SLC44A1: variants seen among roughly 807,000 people sequenced by gnomAD.
SLC44A1 encodes the protein solute carrier family 44 member 1.
SLC44A1 carries 26 observed loss-of-function variants against 79.3 expected under a neutral mutation model. That is an observed-to-expected ratio of 0.33 (90% CI 0.24 to 0.46). SLC44A1 has a LOEUF of 0.46. Ranked by LOEUF, SLC44A1 falls within the 20% of genes least tolerant of loss-of-function variation. The probability of loss-of-function intolerance (pLI) is 1.00; values close to 1 mark genes in which losing one functional copy is unlikely to be tolerated. For synonymous variants in SLC44A1, 263 were observed against 286.2 expected (o/e 0.92, Z 0.82); for missense variants, 688 against 798.1 (o/e 0.86, Z 1.66).
At chr9:105,356,409 T>C (rs755609847) in intron 6 of SLC44A1, 28 bp downstream of exon 6, 30 of 1,442,076 alleles carry the variant, frequency 2.1e-5, no homozygotes, top group Admixed American at 1.8e-4. Flanking sequence ...TATTAGCTAT[T>C]GCATAGTATT....
chr9:105,432,200 G>T (rs538470482), intron 15 of SLC44A1, among the ~76,000 whole-genome samples: 19 of 152,334 alleles, frequency 1.2e-4, no homozygotes, highest in African/African-American at 4.3e-4. Flanking sequence ...GGGATTACAG[G>T]GGTGAGCCAC....
Position 105,391,279 on chromosome 9 carries a change from C to T in SLC44A1, c.*2223C>T, listed in dbSNP as rs1828757279. The T allele has an allele frequency of 5.1e-6, 5 of 985,784 alleles. No individual in the cohort carries two copies. The highest frequency in any genetic ancestry group is 6.0e-6 in the Non-Finnish European group (5 of 829,888). The allele number at this position is 985,784 out of a possible 1,614,324, so 61.1% of individuals were successfully genotyped here. A position where few individuals can be genotyped will look rare whatever the true frequency, so the allele number is the denominator to read the frequency against. Reference sequence around the variant, plus strand: ...AGCTATTTGGAAGCTACCAGGAATGCTTTCTAATTATCATTTGCAACTAGA... The same window carrying T: ...AGCTATTTGGAAGCTACCAGGAATGTTTTCTAATTATCATTTGCAACTAGA... On this transcript the variant is annotated 3_prime_UTR_variant, in exon 16 of 16. Transcript: ENST00000374720.
At position 105,289,411 on chromosome 9, in the gene SLC44A1, G is replaced by A. The variant is rs950657333; in HGVS notation, c.37-9809G>A. ...TTCTATAAACAATGTTAATCCCTGG[G>A]TTAAACAAAAAATAGACACATTACA... On this transcript the variant is annotated intron_variant, in intron 1 of 15. Coordinates refer to ENST00000374720, the MANE Select transcript of SLC44A1 (RefSeq NM_080546.5). 3.9e-5 allele frequency among the ~76,000 whole-genome samples: 6 copies of A among 152,110 alleles called. No homozygotes were observed. In the East Asian group the frequency reaches 1.2e-3, roughly 29 times the overall value.
At chr9:105,347,102 G>C (rs10991635) in intron 4 of SLC44A1, among the ~76,000 whole-genome samples, 18,126 of 151,876 alleles carry the variant, frequency 0.12, 2,023 homozygotes, top group African/African-American at 0.3. Flanking sequence ...ATTTTGTTGT[G>C]CCATTAAATC....
At chr9:105,309,684 A>G (rs1309886407) in intron 2 of SLC44A1, 40 bp from the exon 3 acceptor site, 1 of 1,600,006 alleles carries the variant, frequency 6.2e-7, no homozygotes, top group African/African-American at 1.3e-5. Context: ...TTGGCTATTG[A>G]AATGGTTTAT....
In SLC44A1 at chr9:105,356,295, T is replaced by C; in HGVS notation, c.584T>C (p.Val195Ala). Residue 195 changes from valine (V) to alanine (A), a missense_variant, in exon 6 of 16, where the codon GTC (valine) becomes GCC (alanine). Transcript: ENST00000374720. ...TTTGCAGAGGCCCTGATCACCTTTG[T>C]CAGTGACAATAGTGTCTTACACAGG... ...AKFAEALITFVSDNSVLHRLI... is the reference protein window; with the variant it reads ...AKFAEALITFASDNSVLHRLI... 6.2e-7 allele frequency: 1 copy of C among 1,612,954 alleles called. No individual in the cohort carries two copies. The highest frequency in any genetic ancestry group is 8.5e-7 in the Non-Finnish European group (1 of 1,178,902).
At chr9:105,421,808 C>T (rs1041407349) in intron 15 of SLC44A1, among the ~76,000 whole-genome samples, 2 of 152,034 alleles carry the variant, frequency 1.3e-5, no homozygotes, top group Admixed American at 1.3e-4. Context: ...AGGATAGTCT[C>T]AATCTCCTGA....
chr9:105,252,120 TATTA>T (rs755945954), intron 1 of SLC44A1, among the ~76,000 whole-genome samples: 14 of 152,248 alleles, frequency 9.2e-5, no homozygotes, highest in Non-Finnish European at 1.2e-4. Context: ...GACACAGTCA[TATTA>T]ATTCATTTAC....
At chr9:105,430,735 C>T (rs1218084965) in intron 15 of SLC44A1, among the ~76,000 whole-genome samples, 4 of 152,142 alleles carry the variant, frequency 2.6e-5, no homozygotes, top group South Asian at 4.1e-4. Context: ...TATGAGCATT[C>T]GTACACAAGT....
chr9:105,374,629 C>G lies in SLC44A1; in HGVS notation c.1526C>G (p.Thr509Ser). 5.0e-6 allele frequency: 8 copies of G among 1,614,054 alleles called. No homozygotes were observed. The highest frequency in any genetic ancestry group is 6.8e-6 in the Non-Finnish European group (8 of 1,179,990). Residue 509 changes from threonine (T) to serine (S), a missense_variant, in exon 13 of 16, where the codon ACC (threonine) becomes AGC (serine). Transcript: ENST00000374720. ...NAYTATAINS[T>S]NFCTSAKDAF... ...TACACAGCCACAGCTATCAACAGCA[C>G]CAACTTCTGCACCTCAGCAAAGGAT...
chr9:105,381,169 C>T (rs1291551888), intron 13 of SLC44A1, among the ~76,000 whole-genome samples: 1 of 152,004 alleles, frequency 6.6e-6, no homozygotes, highest in African/African-American at 2.4e-5. Context: ...CTCAGCCCTC[C>T]AAGAGGGTGA....
Position 105,389,652 on chromosome 9 carries a change from A to C in SLC44A1, c.*596A>C, listed in dbSNP as rs564474145. The C allele has an allele frequency of 8.1e-7, 1 of 1,231,238 alleles. No homozygotes were observed. Among genetic ancestry groups the C allele is most frequent in the South Asian group, 3.7e-5 (1 of 27,242 alleles). The allele number at this position is 1,231,238 out of a possible 1,614,324, so 76.3% of individuals were successfully genotyped here. On this transcript the variant is annotated 3_prime_UTR_variant, in exon 16 of 16. Transcript: ENST00000374720. Reference sequence around the variant, plus strand: ...TGGGAATTTTCATAATAGTTCATACATTTGTCAGCCAACATTAAAAGGTAA... The same window carrying C: ...TGGGAATTTTCATAATAGTTCATACCTTTGTCAGCCAACATTAAAAGGTAA...
In SLC44A1 at chr9:105,299,208, A is replaced by T; in HGVS notation, c.37-12A>T. On this transcript the variant is annotated splice_polypyrimidine_tract_variant and intron_variant, in intron 1 of 15. Coordinates refer to ENST00000374720, the MANE Select transcript of SLC44A1 (RefSeq NM_080546.5). ...AGCATTTAACACTCTCTTATTTTGT[A>T]TTTCCAATTAGAGCTCCAAACGAGA... is the stretch of plus-strand genomic sequence containing the variant. The T allele has an allele frequency of 6.3e-7, 1 of 1,579,060 alleles. No homozygotes were observed. Among genetic ancestry groups the T allele is most frequent in the Non-Finnish European group, 8.6e-7 (1 of 1,163,352 alleles).
intron 3 of SLC44A1, among the ~76,000 whole-genome samples, chr9:105,324,043 C>T (rs1220580995): frequency 6.6e-6 from 1 of 152,056 alleles, no homozygotes; most frequent in African/African-American, 2.4e-5. Flanking sequence ...GCTCTGTCGC[C>T]CAGGCTGGAG....
At chr9:105,345,686 G>C (rs1827226814) in intron 4 of SLC44A1, among the ~76,000 whole-genome samples, 1 of 151,924 alleles carries the variant, frequency 6.6e-6, no homozygotes, top group South Asian at 2.1e-4. Flanking sequence ...CTAAATAATT[G>C]ACTATTATAC....
chr9:105,372,807 G>A (rs1231465265), intron 12 of SLC44A1, among the ~76,000 whole-genome samples: 1 of 147,068 alleles, frequency 6.8e-6, no homozygotes, highest in Non-Finnish European at 1.5e-5. Context: ...AAAATTAGCC[G>A]GGCGTAGTGG....
At chr9:105,366,189 A>G (rs1270432511) in intron 11 of SLC44A1, among the ~76,000 whole-genome samples, 157 bp from the exon 12 acceptor site, 15 of 152,228 alleles carry the variant, frequency 9.9e-5, no homozygotes, top group Non-Finnish European at 2.2e-4. Context: ...AAAATAATTC[A>G]GTCATTATGT....
chr9:105,324,024 C>T (rs576277832), intron 3 of SLC44A1, among the ~76,000 whole-genome samples: 291 of 151,990 alleles, frequency 1.9e-3, no homozygotes, highest in African/African-American at 3.5e-3. Flanking sequence ...TTGTTTTTGA[C>T]GGAGTCTTGC....
At chr9:105,256,618 G>A (rs1177790764) in intron 1 of SLC44A1, among the ~76,000 whole-genome samples, 4 of 149,932 alleles carry the variant, frequency 2.7e-5, no homozygotes, top group Non-Finnish European at 5.9e-5. Context: ...GTTGGAGTGC[G>A]GTGGTGAGAT....
Sources: allele counts gnomAD v4.1 joint callset (sites outside exome capture counted in the v4.1 genomes callset), GRCh38; gene constraint gnomAD v4.1.1; transcripts MANE v1.5; gene names NCBI Gene and HGNC (gene_info 2026-07-23, HGNC 2026-07-21).